KCNG2: variants seen among roughly 807,000 people sequenced by gnomAD.
The protein encoded by KCNG2 is potassium voltage-gated channel modifier subfamily G member 2, also known as voltage-gated potassium channel regulatory subunit KCNG2.
Under a neutral mutation model 12.3 loss-of-function variants are expected in KCNG2, and 7 were observed. That is an observed-to-expected ratio of 0.57 (90% CI 0.32 to 1.07). KCNG2 has a LOEUF of 1.07. KCNG2 is among the 50% of genes least tolerant of loss of function. The pLI, the probability that KCNG2 is intolerant of heterozygous loss-of-function variation, is 0.04. For synonymous variants in KCNG2, 414 were observed against 351.4 expected (o/e 1.18, Z -1.99); for missense variants, 703 against 726.0 (o/e 0.97, Z 0.36).
At chr18:79,810,367 C>T (rs914891877) in intron 1 of KCNG2, among the ~76,000 whole-genome samples, 2 of 152,152 alleles carry the variant, frequency 1.3e-5, no homozygotes, top group African/African-American at 4.8e-5. Flanking sequence ...TTGCTGGGGG[C>T]TGCCCAGCAC....
At position 79,899,891 on chromosome 18, in the gene KCNG2, G is replaced by A. The variant is rs1196208316; in HGVS notation, c.*75G>A. On this transcript the variant is annotated 3_prime_UTR_variant, in exon 4 of 4. Transcript: ENST00000316249. ...CGGGACCCCCGAGGTGCGCCAAGGG[G>A]TGGGGGGCGTCTGGCCTGGGGGAGC... 3.2e-6 allele frequency: 4 copies of A among 1,251,648 alleles called. No individual in the cohort carries two copies. Among genetic ancestry groups the A allele is most frequent in the African/African-American group, 3.2e-5 (2 of 63,318 alleles). The allele number at this position is 1,251,648 out of a possible 1,614,324, so 77.5% of individuals were successfully genotyped here. A position where few individuals can be genotyped will look rare whatever the true frequency, so the allele number is the denominator to read the frequency against.
At chr18:79,842,961 C>T (rs1400427528) in intron 1 of KCNG2, among the ~76,000 whole-genome samples, 1 of 152,098 alleles carries the variant, frequency 6.6e-6, no homozygotes, top group Non-Finnish European at 1.5e-5. Context: ...TGGAAAACTT[C>T]CCAAATTTAG....
intron 1 of KCNG2, among the ~76,000 whole-genome samples, chr18:79,824,408 T>C (rs1431748341): frequency 6.6e-6 from 1 of 152,242 alleles, no homozygotes; most frequent in East Asian, 1.9e-4. Context: ...ATAAGTTTTG[T>C]CATTGATTCT....
At chr18:79,840,680 AT>A (rs1978432296) in intron 1 of KCNG2, among the ~76,000 whole-genome samples, 1 of 152,220 alleles carries the variant, frequency 6.6e-6, no homozygotes, top group South Asian at 2.1e-4. Flanking sequence ...CATCCACCTG[AT>A]TTCAAGGCAT....
At position 79,864,723 on chromosome 18, in the gene KCNG2, G is replaced by C. The variant is rs113418624; in HGVS notation, c.624+432G>C. Among the ~76,000 whole-genome samples the C allele has an allele frequency of 9.4e-3, 1,434 of 152,284 alleles. 28 individuals are homozygous for C. The highest frequency in any genetic ancestry group is 0.033 in the African/African-American group (1,368 of 41,536). ...CATTGTTTCAGGGCTGGAGGACAGT[G>C]CCAGGGCCAGGAAGGCTTCTGGCTA... On this transcript the variant is annotated intron_variant, in intron 3 of 3. Coordinates refer to ENST00000316249, the MANE Select transcript of KCNG2 (RefSeq NM_012283.2).
In KCNG2 at chr18:79,877,412, G is replaced by A. The variant is rs573225066; in HGVS notation, c.624+13121G>A. 3.3e-5 allele frequency among the ~76,000 whole-genome samples: 5 copies of A among 152,270 alleles called. No homozygotes were observed. The East Asian group carries it at 9.7e-4, about 29-fold the overall frequency. ...AAAGCTTCCAGGAGATACACAGGCA[G>A]CAGCCAAGGGATGCAGAAGGCTGAG... On this transcript the variant is annotated intron_variant, in intron 3 of 3. Transcript: ENST00000316249.
At position 79,864,297 on chromosome 18, in the gene KCNG2, C is replaced by G; in HGVS notation, c.624+6C>G. On this transcript the variant is annotated splice_donor_region_variant and intron_variant, in intron 3 of 3. Coordinates refer to ENST00000316249, the MANE Select transcript of KCNG2 (RefSeq NM_012283.2). ...TCCGCGCCGAGGAGGAGCGGGTGAG[C>G]GCGGCCGGGGGTGGCGGGGACCGGG... The G allele has an allele frequency of 6.9e-7, 1 of 1,442,140 alleles. No homozygotes were observed. Among genetic ancestry groups the G allele is most frequent in the Non-Finnish European group, 9.2e-7 (1 of 1,089,502 alleles). 89.3% of individuals were successfully genotyped at this position (1,442,140 alleles called of 1,614,324 possible). A position where few individuals can be genotyped will look rare whatever the true frequency, so the allele number is the denominator to read the frequency against.
chr18:79,814,851 G>A (rs373886635), intron 1 of KCNG2, among the ~76,000 whole-genome samples: 7 of 151,776 alleles, frequency 4.6e-5, no homozygotes, highest in African/African-American at 1.7e-4. Context: ...TACCTGTGGG[G>A]AGCGGATTTG....
chr18:79,853,981 T>G (rs1030852413), intron 1 of KCNG2, among the ~76,000 whole-genome samples: 2 of 152,360 alleles, frequency 1.3e-5, no homozygotes, highest in African/African-American at 4.8e-5. Flanking sequence ...CAGACCAGTT[T>G]CCAGTGGAAT....
intron 1 of KCNG2, among the ~76,000 whole-genome samples, chr18:79,802,734 T>TC (rs1266856434): frequency 2.6e-5 from 4 of 152,010 alleles, no homozygotes; most frequent in Non-Finnish European, 5.9e-5. Flanking sequence ...CCTGGCTTTT[T>TC]TTTTTTTCCT....
rs376944232 is a variant in KCNG2, at chr18:79,884,746, C to T, written c.625-14294C>T. On this transcript the variant is annotated intron_variant, in intron 3 of 3. Transcript: ENST00000316249. The surrounding 1 kb of genome is among the most constrained non-coding windows in gnomAD (Gnocchi z 5.5). Reference sequence around the variant, plus strand: ...GGAGCCACGGGGGCAGGGGTCCGCCCGGCTCTGTGTTCCTCGGGGGGGCTC... The same window carrying T: ...GGAGCCACGGGGGCAGGGGTCCGCCTGGCTCTGTGTTCCTCGGGGGGGCTC... 2.5e-3 allele frequency among the ~76,000 whole-genome samples: 379 copies of T among 152,326 alleles called. 2 individuals carry two copies. The highest frequency in any genetic ancestry group is 0.01 in the Middle Eastern group (3 of 294).
rs967064678 is a variant in KCNG2, at chr18:79,800,144, C to T, written c.-115+2130C>T. 3.3e-5 allele frequency among the ~76,000 whole-genome samples: 5 copies of T among 150,696 alleles called. No individual in the cohort carries two copies. The South Asian group carries it at 6.3e-4, about 19-fold the overall frequency. On this transcript the variant is annotated intron_variant, in intron 1 of 3. Coordinates refer to ENST00000316249, the MANE Select transcript of KCNG2 (RefSeq NM_012283.2). The surrounding 1 kb of genome is among the most constrained non-coding windows in gnomAD (Gnocchi z 4.0). Reference sequence around the variant, plus strand: ...CGCGTCTCTCTGCAGCCCTGGCAGGCGTGGGGGCGGGAGTGAAGGGAGCAG... The same window carrying T: ...CGCGTCTCTCTGCAGCCCTGGCAGGTGTGGGGGCGGGAGTGAAGGGAGCAG...
chr18:79,825,971 T>C (rs545714666), intron 1 of KCNG2, among the ~76,000 whole-genome samples: 2 of 152,332 alleles, frequency 1.3e-5, no homozygotes, highest in African/African-American at 2.4e-5. Context: ...ACCTGCCCTT[T>C]CTTTGAAACG....
At chr18:79,842,123 C>T (rs1397498907) in intron 1 of KCNG2, among the ~76,000 whole-genome samples, 1 of 152,176 alleles carries the variant, frequency 6.6e-6, no homozygotes, top group Non-Finnish European at 1.5e-5. Flanking sequence ...GCCACATGCT[C>T]CAGGCCTACC....
At chr18:79,881,465 G>T (rs1316321099) in intron 3 of KCNG2, among the ~76,000 whole-genome samples, 1 of 152,202 alleles carries the variant, frequency 6.6e-6, no homozygotes. Context: ...TGCTAGCAGT[G>T]AACTATTGGA....
intron 1 of KCNG2, among the ~76,000 whole-genome samples, chr18:79,855,775 A>C (rs1423273733): frequency 6.6e-6 from 1 of 152,064 alleles, no homozygotes; most frequent in Non-Finnish European, 1.5e-5. Context: ...CTCTGTCGTC[A>C]CTGAACCAGA....
intron 1 of KCNG2, among the ~76,000 whole-genome samples, chr18:79,815,852 C>T (rs577542323): frequency 3.0e-4 from 45 of 152,360 alleles, no homozygotes; most frequent in African/African-American, 7.9e-4. Flanking sequence ...TGGCACCCAC[C>T]GCCCTGGAGC....
chr18:79,851,749 ATG>A (rs1406694485), intron 1 of KCNG2, among the ~76,000 whole-genome samples: 2 of 64,292 alleles, frequency 3.1e-5, no homozygotes, highest in East Asian at 6.4e-4. Flanking sequence ...GCCTGTGTGA[ATG>A]TATGTGTGTG....
intron 1 of KCNG2, among the ~76,000 whole-genome samples, chr18:79,802,443 C>G (rs566966194): frequency 1.3e-5 from 2 of 152,086 alleles, no homozygotes; most frequent in African/African-American, 4.8e-5. Context: ...CCAGCCGTGC[C>G]GCTCCGGTCC....
Sources: allele counts gnomAD v4.1 joint callset (sites outside exome capture counted in the v4.1 genomes callset), GRCh38; gene constraint gnomAD v4.1.1; non-coding constraint Gnocchi (gnomAD v3.1); transcripts MANE v1.5; gene names NCBI Gene and HGNC (gene_info 2026-07-23, HGNC 2026-07-21).